The following DGKB variants were observed in gnomAD, a reference collection of about 807,000 sequenced individuals.
DGKB encodes the protein diacylglycerol kinase beta, also known as 90 kDa diacylglycerol kinase.
Under a neutral mutation model 114.3 loss-of-function variants are expected in DGKB, and 67 were observed. The ratio of observed to expected loss-of-function variants is 0.59; its 90% CI spans 0.48 to 0.72. DGKB has a LOEUF of 0.72. Among genes scored for constraint, DGKB ranks in the 30% least tolerant of loss-of-function variants. The probability of loss-of-function intolerance (pLI) is 0.00; values close to 1 mark genes in which losing one functional copy is unlikely to be tolerated. For synonymous variants in DGKB, 398 were observed against 323.1 expected (o/e 1.23, Z -2.49); for missense variants, 907 against 975.2 (o/e 0.93, Z 0.93).
At chr7:14,633,081 T>C (rs1378520600) in intron 13 of DGKB, among the ~76,000 whole-genome samples, 2 of 151,926 alleles carry the variant, frequency 1.3e-5, no homozygotes, top group African/African-American at 4.8e-5. Flanking sequence ...GCTACCACTT[T>C]GCAATTAATT....
chr7:14,857,585 GTTTT>G (rs1361250163), intron 1 of DGKB, among the ~76,000 whole-genome samples: 1 of 151,916 alleles, frequency 6.6e-6, no homozygotes, highest in Non-Finnish European at 1.5e-5. Flanking sequence ...TCTTATTTTT[GTTTT>G]ATTTTCCATA....
At chr7:14,666,239 T>G (rs1237347769) in intron 13 of DGKB, among the ~76,000 whole-genome samples, 1 of 152,134 alleles carries the variant, frequency 6.6e-6, no homozygotes, top group African/African-American at 2.4e-5. Flanking sequence ...CTTTTTTTGT[T>G]AAAATAGGGA....
At chr7:14,359,375 A>G (rs1815245284) in intron 21 of DGKB, among the ~76,000 whole-genome samples, 1 of 152,112 alleles carries the variant, frequency 6.6e-6, no homozygotes, top group African/African-American at 2.4e-5. Flanking sequence ...CTAGAAGAAA[A>G]CCTAGGCAAT....
chr7:14,553,332 A>T (rs1294614684), intron 20 of DGKB, among the ~76,000 whole-genome samples: 1 of 152,208 alleles, frequency 6.6e-6, no homozygotes, highest in East Asian at 1.9e-4. Context: ...AGACTAAATG[A>T]GAACTGGTTT....
At chr7:14,915,243 A>G (rs1166854940) in intron 1 of DGKB, among the ~76,000 whole-genome samples, 1 of 152,080 alleles carries the variant, frequency 6.6e-6, no homozygotes, top group African/African-American at 2.4e-5. Flanking sequence ...GCTTGGTGAC[A>G]CATGTCTCTA....
chr7:14,801,408 T>C (rs1181286798), intron 2 of DGKB, among the ~76,000 whole-genome samples: 1 of 152,124 alleles, frequency 6.6e-6, no homozygotes, highest in Non-Finnish European at 1.5e-5. Context: ...TGACTGGGCA[T>C]GGGGTTCCCA....
chr7:14,266,813 T>A, intron 23 of DGKB, among the ~76,000 whole-genome samples: 1 of 152,218 alleles, frequency 6.6e-6, no homozygotes, highest in East Asian at 1.9e-4. Context: ...TATTTTAATA[T>A]AACCTTATAA....
intron 23 of DGKB, among the ~76,000 whole-genome samples, chr7:14,280,763 C>A (rs1432341146): frequency 4.0e-5 from 6 of 148,354 alleles, no homozygotes; most frequent in Non-Finnish European, 7.5e-5. Flanking sequence ...CCAAACTAAG[C>A]TTCATAAGTG....
chr7:14,587,833 C>T (rs1486209021), intron 17 of DGKB, among the ~76,000 whole-genome samples: 1 of 152,104 alleles, frequency 6.6e-6, no homozygotes, highest in African/African-American at 2.4e-5. Context: ...TTTTAAACCA[C>T]AATGCTATTG....
upstream of DGKB, among the ~76,000 whole-genome samples, chr7:14,904,333 C>T (rs546712152): frequency 1.2e-4 from 18 of 152,230 alleles, no homozygotes; most frequent in South Asian, 4.1e-4. Flanking sequence ...TTGTAATGCA[C>T]GCCTTTAATT....
At chr7:14,864,082 C>A (rs150011119) in intron 1 of DGKB, among the ~76,000 whole-genome samples, 2 of 133,620 alleles carry the variant, frequency 1.5e-5, no homozygotes, top group African/African-American at 2.9e-5. Flanking sequence ...GTCTGGGCAA[C>A]GGGAGCAAAA....
chr7:14,356,896 T>C (rs964359132), intron 21 of DGKB, among the ~76,000 whole-genome samples: 8 of 152,212 alleles, frequency 5.3e-5, no homozygotes, highest in African/African-American at 1.9e-4. Flanking sequence ...AGTTTCCCTG[T>C]AGTTGTGCAG....
chr7:14,854,864 G>A (rs552404388), intron 1 of DGKB, among the ~76,000 whole-genome samples: 28 of 152,172 alleles, frequency 1.8e-4, no homozygotes, highest in African/African-American at 5.8e-4. Context: ...TCTGTGTTAC[G>A]TGGCCTATAT....
At chr7:14,592,856 CTAATA>C (rs906562125) in intron 17 of DGKB, among the ~76,000 whole-genome samples, 1 of 151,730 alleles carries the variant, frequency 6.6e-6, no homozygotes, top group African/African-American at 2.4e-5. Flanking sequence ...ATCCTCCAAT[CTAATA>C]TCTTATGTAC....
intron 20 of DGKB, among the ~76,000 whole-genome samples, chr7:14,505,697 A>T (rs998541915): frequency 6.6e-6 from 1 of 152,180 alleles, no homozygotes; most frequent in Non-Finnish European, 1.5e-5. Context: ...CTAGAAAAAT[A>T]AAAAGTTAGC....
intron 18 of DGKB, among the ~76,000 whole-genome samples, chr7:14,582,819 T>G (rs1427610880): frequency 3.3e-5 from 5 of 152,184 alleles, no homozygotes; most frequent in African/African-American, 1.2e-4. Context: ...GAAAATTTGG[T>G]AAACACTGTA....
At chr7:14,928,740 G>A (rs559479564) in intron 1 of DGKB, among the ~76,000 whole-genome samples, 1 of 151,718 alleles carries the variant, frequency 6.6e-6, no homozygotes, top group African/African-American at 2.4e-5. Flanking sequence ...GATTGCATGG[G>A]GGTGAAGTTA....
At chr7:14,313,752 T>A (rs6977946) in intron 23 of DGKB, among the ~76,000 whole-genome samples, 3 of 151,764 alleles carry the variant, frequency 2.0e-5, no homozygotes, top group Non-Finnish European at 4.4e-5. Context: ...CAAAGCAGCC[T>A]GGAAGCTCCA....
intron 2 of DGKB, among the ~76,000 whole-genome samples, chr7:14,774,790 A>T (rs1001161023): frequency 6.6e-6 from 1 of 152,146 alleles, no homozygotes; most frequent in African/African-American, 2.4e-5. Context: ...TTGTTTTAGA[A>T]TTCTCTAATT....
Sources: allele counts gnomAD v4.1 joint callset (sites outside exome capture counted in the v4.1 genomes callset), GRCh38; gene constraint gnomAD v4.1.1; transcripts MANE v1.5; gene names NCBI Gene and HGNC (gene_info 2026-07-23, HGNC 2026-07-21).